ADCY2: variants seen among roughly 807,000 people sequenced by gnomAD.
The protein encoded by ADCY2 is adenylate cyclase type 2.
ADCY2 carries 31 observed loss-of-function variants against 125.2 expected under a neutral mutation model. That is an observed-to-expected ratio of 0.25 (90% CI 0.19 to 0.33). The LOEUF (loss-of-function observed/expected upper bound fraction) is 0.33. Ranked by LOEUF, ADCY2 falls within the 10% of genes least tolerant of loss-of-function variation. The probability of loss-of-function intolerance (pLI) is 1.00; values close to 1 mark genes in which losing one functional copy is unlikely to be tolerated. For missense variants in ADCY2, 904 were observed against 1,418.2 expected (o/e 0.64, Z 5.82); for synonymous variants, 512 against 548.4 (o/e 0.93, Z 0.93).
chr5:7,811,348 A>C (rs1744935876), intron 22 of ADCY2, among the ~76,000 whole-genome samples: 1 of 152,054 alleles, frequency 6.6e-6, no homozygotes, highest in Non-Finnish European at 1.5e-5. Context: ...TAAAAATACA[A>C]AAATGAGCCG....
At chr5:7,735,897 T>C (rs1043497947) in intron 14 of ADCY2, among the ~76,000 whole-genome samples, 2 of 152,216 alleles carry the variant, frequency 1.3e-5, no homozygotes, top group African/African-American at 4.8e-5. Flanking sequence ...TGGATATTAA[T>C]TCTTCTTTCA....
intron 15 of ADCY2, among the ~76,000 whole-genome samples, chr5:7,752,071 A>C (rs1341631883): frequency 6.6e-6 from 1 of 152,210 alleles, no homozygotes; most frequent in Non-Finnish European, 1.5e-5. Flanking sequence ...GTCAGCAAAA[A>C]TGATGCAATG....
At chr5:7,434,486 A>G (rs946773699) in intron 2 of ADCY2, among the ~76,000 whole-genome samples, 5 of 152,208 alleles carry the variant, frequency 3.3e-5, no homozygotes, top group African/African-American at 1.2e-4. Context: ...GACAGCTTTG[A>G]AGAAGATGGG....
At chr5:7,458,728 G>A (rs1293731835) in intron 2 of ADCY2, among the ~76,000 whole-genome samples, 1 of 152,124 alleles carries the variant, frequency 6.6e-6, no homozygotes, top group Non-Finnish European at 1.5e-5. Flanking sequence ...AGCAATTACA[G>A]AAGTCAAGAT....
chr5:7,571,399 G>C (rs1736061612), intron 3 of ADCY2, among the ~76,000 whole-genome samples: 1 of 152,146 alleles, frequency 6.6e-6, no homozygotes, highest in African/African-American at 2.4e-5. Flanking sequence ...AGCGAAGGGA[G>C]AACGAATTTG....
rs150313936 is a variant in ADCY2 at position 7,751,500 on chromosome 5, A to G, written c.1957-5949A>G. 1.7e-3 allele frequency among the ~76,000 whole-genome samples: 257 copies of G among 152,338 alleles called. 2 individuals carry two copies. Among genetic ancestry groups the G allele is most frequent in the African/African-American group, 5.8e-3 (242 of 41,574 alleles). On this transcript the variant is annotated intron_variant, in intron 15 of 24. Transcript: ENST00000338316. ...CAGCAGTGTCATTCTTGCTTCTGCC[A>G]TAGCCCCAAGGATTTTCTCTGGTTT...
intron 2 of ADCY2, among the ~76,000 whole-genome samples, chr5:7,453,587 T>C (rs1376247981): frequency 6.6e-6 from 1 of 152,100 alleles, no homozygotes; most frequent in Admixed American, 6.5e-5. Flanking sequence ...GTGAAATTGA[T>C]TAAAAAGCTT....
chr5:7,711,225 A>G (rs537784734), intron 10 of ADCY2, among the ~76,000 whole-genome samples: 2 of 152,322 alleles, frequency 1.3e-5, no homozygotes, highest in Admixed American at 1.3e-4. Context: ...CCAAGGTGGG[A>G]GGCCTGGGGC....
chr5:7,527,045 A>G (rs1734496723), intron 3 of ADCY2, among the ~76,000 whole-genome samples: 1 of 152,198 alleles, frequency 6.6e-6, no homozygotes, highest in Admixed American at 6.5e-5. Context: ...TGATAGAAGC[A>G]AGGAGTCTTT....
chr5:7,589,252 C>T (rs1328361891), intron 3 of ADCY2, among the ~76,000 whole-genome samples: 2 of 151,392 alleles, frequency 1.3e-5, no homozygotes, highest in Non-Finnish European at 2.9e-5. Flanking sequence ...TAGTAAAAGG[C>T]TAGGGAAAAC....
intron 16 of ADCY2, among the ~76,000 whole-genome samples, chr5:7,761,144 T>TTTC (rs2126464796): frequency 1.5e-5 from 1 of 64,906 alleles, no homozygotes; most frequent in South Asian, 8.0e-4. Flanking sequence ...TTTTCTTTTC[T>TTTC]TTTCTTTTTT....
chr5:7,642,128 T>A (rs1738730156), intron 4 of ADCY2, among the ~76,000 whole-genome samples: 1 of 152,214 alleles, frequency 6.6e-6, no homozygotes, highest in African/African-American at 2.4e-5. Flanking sequence ...CTGAACTAAT[T>A]TACATTTCCA....
rs185172953 is a variant in ADCY2, at chr5:7,532,186, C to T, written c.570+11287C>T. 6.6e-5 allele frequency among the ~76,000 whole-genome samples: 10 copies of T among 152,282 alleles called. No homozygotes were observed. In the East Asian group the frequency reaches 7.7e-4, roughly 12 times the overall value. ...GAGCAAACAGAGAAAGTGTTCTTGC[C>T]GGACGATTGCAGATAGGTAAGGCAA... On this transcript the variant is annotated intron_variant, in intron 3 of 24. Coordinates refer to ENST00000338316, the MANE Select transcript of ADCY2 (RefSeq NM_020546.3).
At chr5:7,456,486 A>G (rs1489800599) in intron 2 of ADCY2, among the ~76,000 whole-genome samples, 2 of 152,238 alleles carry the variant, frequency 1.3e-5, no homozygotes, top group East Asian at 3.9e-4. Flanking sequence ...TGTACACTCC[A>G]TAAACCATGG....
At chr5:7,449,897 C>G (rs1374370402) in intron 2 of ADCY2, among the ~76,000 whole-genome samples, 1 of 152,092 alleles carries the variant, frequency 6.6e-6, no homozygotes, top group Non-Finnish European at 1.5e-5. Flanking sequence ...ACCTGTGACC[C>G]ATGATCTTTG....
chr5:7,681,018 G>C (rs151247000), intron 4 of ADCY2, among the ~76,000 whole-genome samples: 4 of 152,212 alleles, frequency 2.6e-5, no homozygotes, highest in African/African-American at 9.6e-5. Flanking sequence ...AGCCAAGCAA[G>C]CTACAGCAGA....
At chr5:7,493,934 C>T (rs982985865) in intron 2 of ADCY2, among the ~76,000 whole-genome samples, 12 of 152,026 alleles carry the variant, frequency 7.9e-5, no homozygotes, top group African/African-American at 2.9e-4. Context: ...AGCAGCCAGC[C>T]CTATAACGCT....
chr5:7,683,671 G>A (rs747243), intron 4 of ADCY2, among the ~76,000 whole-genome samples: 25,127 of 152,140 alleles, frequency 0.17, 2,381 homozygotes, highest in Admixed American at 0.33. Context: ...AGGGGGGCAT[G>A]GGAGGGAGAG....
At chr5:7,504,514 A>ATT (rs1743725874) in intron 2 of ADCY2, among the ~76,000 whole-genome samples, 1 of 152,216 alleles carries the variant, frequency 6.6e-6, no homozygotes, top group African/African-American at 2.4e-5. Context: ...AGGTAATAGT[A>ATT]AAGTCATTAT....
Sources: allele counts gnomAD v4.1 joint callset (sites outside exome capture counted in the v4.1 genomes callset), GRCh38; gene constraint gnomAD v4.1.1; transcripts MANE v1.5; gene names NCBI Gene and HGNC (gene_info 2026-07-23, HGNC 2026-07-21).